Variants in ATP11A observed in about 807,000 individuals in gnomAD.
The protein encoded by ATP11A is phospholipid-transporting ATPase IH.
In ATP11A, 81 loss-of-function variants were observed where a neutral mutation model predicts 154.4. The ratio of observed to expected loss-of-function variants is 0.52; its 90% CI spans 0.44 to 0.63. ATP11A has a LOEUF of 0.63. Ranked by LOEUF, ATP11A falls within the 30% of genes least tolerant of loss-of-function variation. The pLI is 0.00. For synonymous variants in ATP11A, 623 were observed against 585.9 expected, an observed-to-expected ratio of 1.06 and a Z score of -0.91; for missense variants, 1,316 against 1,474.3, an observed-to-expected ratio of 0.89 and a Z score of 1.76.
chr13:112,741,488 C>A (rs1891536721), intron 1 of ATP11A, among the ~76,000 whole-genome samples: 1 of 152,166 alleles, frequency 6.6e-6, no homozygotes, highest in Non-Finnish European at 1.5e-5. Context: ...GGGCAGAGAA[C>A]AATGGTCCAG....
At chr13:112,797,224 A>G (rs1197614788) in intron 2 of ATP11A, among the ~76,000 whole-genome samples, 1 of 144,058 alleles carries the variant, frequency 6.9e-6, no homozygotes, top group Non-Finnish European at 1.5e-5. Flanking sequence ...CAGAGGTTGC[A>G]GTGAGCCAAG....
At chr13:112,788,333 G>T (rs529173018) in intron 2 of ATP11A, among the ~76,000 whole-genome samples, 1 of 147,722 alleles carries the variant, frequency 6.8e-6, no homozygotes, top group Non-Finnish European at 1.5e-5. Context: ...GTGTCCTGAC[G>T]TGTAGACCCC....
intron 17 of ATP11A, among the ~76,000 whole-genome samples, chr13:112,847,226 A>G (rs926351993): frequency 2.0e-5 from 3 of 152,234 alleles, no homozygotes; most frequent in African/African-American, 7.2e-5. Context: ...AGGAGAAGTT[A>G]AAATAAGTAG....
intron 6 of ATP11A, among the ~76,000 whole-genome samples, chr13:112,817,579 C>T (rs9577845): frequency 0.28 from 43,227 of 152,026 alleles, 6,288 homozygotes; most frequent in Middle Eastern, 0.33. Context: ...CCTGTGAGCC[C>T]TTCACACTCT....
intron 12 of ATP11A, among the ~76,000 whole-genome samples, chr13:112,827,632 G>A (rs912126363): frequency 2.0e-5 from 3 of 152,242 alleles, no homozygotes; most frequent in Non-Finnish European, 4.4e-5. Context: ...CAGGGTTGCC[G>A]GAGCAGGTAC....
chr13:112,727,354 G>T (rs1207640067), intron 1 of ATP11A, among the ~76,000 whole-genome samples: 1 of 152,162 alleles, frequency 6.6e-6, no homozygotes, highest in East Asian at 1.9e-4. Context: ...ACTGAACGCT[G>T]TTTCTAGTGA....
intron 1 of ATP11A, among the ~76,000 whole-genome samples, chr13:112,743,942 G>T (rs550311314): frequency 5.9e-5 from 9 of 152,298 alleles, no homozygotes; most frequent in Admixed American, 2.6e-4. Flanking sequence ...AAAGTATTTG[G>T]TTTTGATTGA....
chr13:112,862,539 C>G lies in ATP11A; in HGVS notation c.2955C>G (p.Phe985Leu). ...DALVFFFGAYFVFENTTVTSN... is the reference protein window; with the variant it reads ...DALVFFFGAYLVFENTTVTSN... ...TGGTGTTCTTCTTTGGTGCTTATTT[C>G]GTGTTTGAAAATACAACTGTGACAA... The change falls in exon 25 of 30, where the codon TTC (phenylalanine) becomes TTG (leucine). Residue 985 changes from phenylalanine to leucine, a missense_variant. Physicochemically the swap from Phe to Leu is conservative, Grantham distance 22. Around this residue, in one of 5 missense-constraint regions of ATP11A, gnomAD observed 294 missense variants for 290.2 expected, o/e 1.01. Coordinates refer to ENST00000375645, the MANE Select transcript of ATP11A (RefSeq NM_015205.3). 6.2e-7 allele frequency: 1 copy of G among 1,614,196 alleles called. No homozygotes were observed. Among genetic ancestry groups the G allele is most frequent in the African/African-American group, 1.3e-5 (1 of 75,058 alleles).
At chr13:112,860,912 C>G (rs1312115798) in intron 24 of ATP11A, 1 of 153,090 alleles carries the variant, frequency 6.5e-6, no homozygotes, top group Non-Finnish European at 1.5e-5. Flanking sequence ...CAATATGTTA[C>G]TGTTTTCCAT....
intron 5 of ATP11A, among the ~76,000 whole-genome samples, chr13:112,814,562 T>C (rs1040452715): frequency 6.6e-6 from 1 of 152,208 alleles, no homozygotes; most frequent in Admixed American, 6.5e-5. Context: ...GTTTCTGTCC[T>C]TATTATTTTG....
At chr13:112,825,627 C>A in intron 11 of ATP11A, 47 bp downstream of exon 11, 1 of 1,531,276 alleles carries the variant, frequency 6.5e-7, no homozygotes, top group Admixed American at 2.2e-5. Flanking sequence ...ACCTGTGGGC[C>A]ATTATTACGA....
At chr13:112,757,692 A>T (rs1264139758) in intron 1 of ATP11A, among the ~76,000 whole-genome samples, 1 of 152,272 alleles carries the variant, frequency 6.6e-6, no homozygotes. Flanking sequence ...TTCAGTGTTC[A>T]GGAATCTCAG....
chr13:112,870,257 A>T (rs971304053), intron 25 of ATP11A, among the ~76,000 whole-genome samples: 12 of 152,246 alleles, frequency 7.9e-5, no homozygotes. Context: ...ATGAGATGTT[A>T]TCCTGTTATC....
At position 112,859,411 on chromosome 13, in the gene ATP11A, C is replaced by T; in HGVS notation, c.2686C>T (p.Pro896Ser). 2 of 1,614,086 alleles carry T rather than the reference C, an allele frequency of 1.2e-6. No homozygotes were observed. The highest frequency in any genetic ancestry group is 1.3e-5 in the African/African-American group (1 of 75,028). ...CTTTCAGAACGTCTGCTTCATCTTC[C>T]CTCAGTTTTTATACCAGTTCTTCTG... ...FFYKNVCFIF[P>S]QFLYQFFCGF... is the part of the protein sequence containing the mutation. The change falls in exon 23 of 30, where the codon CCT becomes TCT. Residue 896 changes from proline to serine, a missense_variant. Pro to Ser is a moderately conservative substitution (Grantham distance 74, BLOSUM62 -1). Around this residue, in one of 5 missense-constraint regions of ATP11A, gnomAD observed 19 missense variants for 46.6 expected, o/e 0.41. Coordinates refer to ENST00000375645, the MANE Select transcript of ATP11A (RefSeq NM_015205.3). This position sits in a 1 kb window ranked among gnomAD's most constrained non-coding sequence, Gnocchi z 4.3.
At chr13:112,769,602 G>A (rs573108188) in intron 1 of ATP11A, among the ~76,000 whole-genome samples, 10 of 152,186 alleles carry the variant, frequency 6.6e-5, no homozygotes, top group African/African-American at 9.6e-5. Context: ...TGTGAACCTC[G>A]ACACCACCCT....
At chr13:112,731,621 AGCAGGTACT>A (rs951639281) in intron 1 of ATP11A, among the ~76,000 whole-genome samples, 1 of 152,222 alleles carries the variant, frequency 6.6e-6, no homozygotes, top group African/African-American at 2.4e-5. Flanking sequence ...TCGATGGCCC[AGCAGGTACT>A]GCTGTCCCCA....
At chr13:112,705,113 T>A (rs1886992299) in intron 1 of ATP11A, among the ~76,000 whole-genome samples, 1 of 152,232 alleles carries the variant, frequency 6.6e-6, no homozygotes, top group Non-Finnish European at 1.5e-5. Flanking sequence ...TAGGTAACCA[T>A]CAAGTATACA....
At chr13:112,871,839 G>C in intron 26 of ATP11A, 39 bp downstream of exon 26, 1 of 1,584,028 alleles carries the variant, frequency 6.3e-7, no homozygotes, top group Non-Finnish European at 8.7e-7. Flanking sequence ...CCCAGCCACA[G>C]TGAACCCCTG....
intron 1 of ATP11A, among the ~76,000 whole-genome samples, chr13:112,759,958 T>C (rs2076927507): frequency 6.6e-6 from 1 of 152,214 alleles, no homozygotes; most frequent in African/African-American, 2.4e-5. Flanking sequence ...CGAATCGATG[T>C]GCTGAGCTAA....
Sources: gnomAD v4.1 joint callset for allele counts (sites outside exome capture counted in the v4.1 genomes callset) on GRCh38, gnomAD v4.1.1 for gene constraint, gnomAD v4.1.1 regional missense constraint, Gnocchi (gnomAD v3.1) non-coding constraint, MANE v1.5 for transcripts, NCBI Gene and HGNC (gene_info 2026-07-23, HGNC 2026-07-21) for gene names.